TRPS1: variants seen among roughly 807,000 people sequenced by gnomAD.
TRPS1 encodes transcriptional repressor GATA binding 1.
A neutral mutation model predicts 101.2 loss-of-function variants in TRPS1; 6 were observed. That is an observed-to-expected ratio of 0.06 (90% CI 0.03 to 0.12). The LOEUF (loss-of-function observed/expected upper bound fraction) is 0.12. Ranked by LOEUF, TRPS1 falls within the 10% of genes least tolerant of loss-of-function variation. The pLI, the probability that TRPS1 is intolerant of heterozygous loss-of-function variation, is 1.00. For missense variants in TRPS1, 1,363 were observed against 1,567.0 expected, an observed-to-expected ratio of 0.87 and a Z score of 2.20; for synonymous variants, 578 against 589.8, an observed-to-expected ratio of 0.98 and a Z score of 0.29.
At chr8:115,441,898 A>AGTGTGTGT (rs796637255) in intron 5 of TRPS1, among the ~76,000 whole-genome samples, 70 of 116,172 alleles carry the variant, frequency 6.0e-4, no homozygotes, top group African/African-American at 1.3e-3. Context: ...AGAGAGAGAG[A>AGTGTGTGT]GTGTGTGTGT....
intron 5 of TRPS1, among the ~76,000 whole-genome samples, chr8:115,506,579 G>A (rs1254563635): frequency 6.6e-6 from 1 of 151,844 alleles, no homozygotes; most frequent in Non-Finnish European, 1.5e-5. Context: ...TCATTTAATT[G>A]GTGAAAAAAT....
intron 5 of TRPS1, among the ~76,000 whole-genome samples, chr8:115,544,382 T>C (rs1298471318): frequency 6.6e-6 from 1 of 151,908 alleles, no homozygotes; most frequent in African/African-American, 2.4e-5. Flanking sequence ...ATGTGACCTA[T>C]AAAATGCTGG....
At chr8:115,465,769 T>G (rs1202080225) in intron 5 of TRPS1, among the ~76,000 whole-genome samples, 2 of 152,142 alleles carry the variant, frequency 1.3e-5, no homozygotes, top group Non-Finnish European at 2.9e-5. Context: ...CAAAATCCAC[T>G]TAAATATGAG....
intron 1 of TRPS1, chr8:115,667,843 C>T: frequency 6.5e-7 from 1 of 1,535,368 alleles, no homozygotes; most frequent in Non-Finnish European, 8.7e-7. Flanking sequence ...CTCTGAGACC[C>T]TCCCGACCCT....
intron 3 of TRPS1, among the ~76,000 whole-genome samples, chr8:115,607,407 T>C (rs981444728): frequency 6.6e-6 from 1 of 151,360 alleles, no homozygotes; most frequent in African/African-American, 2.4e-5. Context: ...TTGAAGTTGG[T>C]GTACGTGTCT....
intron 5 of TRPS1, among the ~76,000 whole-genome samples, chr8:115,431,855 G>A (rs1423264138): frequency 1.3e-5 from 2 of 151,934 alleles, no homozygotes; most frequent in South Asian, 2.1e-4. Context: ...CAAATTTTGG[G>A]TGGTAGCTGC....
At chr8:115,543,957 A>C (rs1200011876) in intron 5 of TRPS1, among the ~76,000 whole-genome samples, 1 of 152,120 alleles carries the variant, frequency 6.6e-6, no homozygotes, top group Non-Finnish European at 1.5e-5. Context: ...CAAATATCCT[A>C]AACATTAAGA....
At chr8:115,430,824 T>C (rs1813300537) in intron 5 of TRPS1, among the ~76,000 whole-genome samples, 1 of 152,066 alleles carries the variant, frequency 6.6e-6, no homozygotes, top group African/African-American at 2.4e-5. Flanking sequence ...TAAAGCAATA[T>C]CATATTTTAT....
chr8:115,534,997 A>G (rs905911891), intron 5 of TRPS1, among the ~76,000 whole-genome samples: 1 of 149,402 alleles, frequency 6.7e-6, no homozygotes, highest in East Asian at 1.9e-4. Context: ...ATATAAATAT[A>G]TATAGCATAT....
At chr8:115,421,463 A>G (rs1409768535) in intron 5 of TRPS1, among the ~76,000 whole-genome samples, 1 of 152,192 alleles carries the variant, frequency 6.6e-6, no homozygotes, top group African/African-American at 2.4e-5. Flanking sequence ...CTTAAAGCAT[A>G]TGGTTGGATA....
intron 5 of TRPS1, among the ~76,000 whole-genome samples, chr8:115,498,403 CTCTCTCTCTCTCTATA>C (rs1261127271): frequency 3.2e-4 from 27 of 84,820 alleles, no homozygotes; most frequent in African/African-American, 1.1e-3. Flanking sequence ...CTCTCTCTCT[CTCTCTCTCTCTCTATA>C]TATATATATA....
chr8:115,644,285 C>T (rs1818965924), intron 1 of TRPS1, among the ~76,000 whole-genome samples: 2 of 152,216 alleles, frequency 1.3e-5, no homozygotes, highest in African/African-American at 2.4e-5. Context: ...ACTTTCATCA[C>T]TGATCTTAAC....
chr8:115,662,136 TAG>T (rs1279421525), intron 1 of TRPS1, among the ~76,000 whole-genome samples: 3 of 152,030 alleles, frequency 2.0e-5, no homozygotes, highest in African/African-American at 7.2e-5. Flanking sequence ...CGATTTGAAC[TAG>T]AGTCTGTAAC....
intron 5 of TRPS1, among the ~76,000 whole-genome samples, chr8:115,495,874 AGTTC>A (rs1320398804): frequency 3.3e-5 from 5 of 152,186 alleles, no homozygotes; most frequent in Non-Finnish European, 7.4e-5. Context: ...CCAAATTTTT[AGTTC>A]AATTGAGCAG....
chr8:115,620,823 C>T (rs1412764787), intron 2 of TRPS1, among the ~76,000 whole-genome samples: 1 of 152,178 alleles, frequency 6.6e-6, no homozygotes, highest in Non-Finnish European at 1.5e-5. Flanking sequence ...AGGACTCTGT[C>T]CAGCATGCTG....
At chr8:115,473,697 C>T (rs566974420) in intron 5 of TRPS1, among the ~76,000 whole-genome samples, 1 of 152,276 alleles carries the variant, frequency 6.6e-6, no homozygotes, top group South Asian at 2.1e-4. Context: ...TCAATCACTG[C>T]CATCTATCAG....
chr8:115,493,066 A>T (rs1183308043), intron 5 of TRPS1, among the ~76,000 whole-genome samples: 1 of 152,046 alleles, frequency 6.6e-6, no homozygotes, highest in African/African-American at 2.4e-5. Context: ...TTTTTAAAAG[A>T]CTGGTCAAGT....
chr8:115,476,574 T>C (rs1254286859), intron 5 of TRPS1, among the ~76,000 whole-genome samples: 1 of 152,176 alleles, frequency 6.6e-6, no homozygotes, highest in Admixed American at 6.5e-5. Context: ...CCTCAGAGCA[T>C]CTATTTTTGA....
chr8:115,543,320 T>C (rs1053527341), intron 5 of TRPS1, among the ~76,000 whole-genome samples: 4 of 152,224 alleles, frequency 2.6e-5, no homozygotes, highest in Non-Finnish European at 4.4e-5. Context: ...CTATTGCTAT[T>C]GGGTTATGTA....
Sources: allele counts gnomAD v4.1 joint callset (sites outside exome capture counted in the v4.1 genomes callset), GRCh38; gene constraint gnomAD v4.1.1; transcripts MANE v1.5; gene names NCBI Gene and HGNC (gene_info 2026-07-23, HGNC 2026-07-21).